The following MAGI2 variants were observed in gnomAD, a reference collection of about 807,000 sequenced individuals.
MAGI2 encodes the protein membrane-associated guanylate kinase, WW and PDZ domain-containing protein 2.
A neutral mutation model predicts 133.3 loss-of-function variants in MAGI2; 35 were observed. The ratio of observed to expected loss-of-function variants is 0.26; its 90% CI spans 0.20 to 0.35. MAGI2 has a LOEUF of 0.35. Ranked by LOEUF, MAGI2 falls within the 10% of genes least tolerant of loss-of-function variation. The probability of loss-of-function intolerance (pLI) is 1.00; values close to 1 mark genes in which losing one functional copy is unlikely to be tolerated. For synonymous variants in MAGI2, 729 were observed against 710.6 expected (o/e 1.03, Z -0.41); for missense variants, 1,636 against 1,863.4 (o/e 0.88, Z 2.25).
At chr7:78,083,387 G>GAGAGAGAGAGAGAGAGAGAGA in intron 20 of MAGI2, among the ~76,000 whole-genome samples, 1 of 33,310 alleles carries the variant, frequency 3.0e-5, no homozygotes. Context: ...AGGGAGGGGG[G>GAGAGAGAGAGAGAGAGAGAGA]GAGAGAGAGA....
intron 1 of MAGI2, among the ~76,000 whole-genome samples, chr7:79,282,899 G>T (rs9655824): frequency 0.61 from 92,454 of 151,828 alleles, 29,658 homozygotes; most frequent in Non-Finnish European, 0.7. Flanking sequence ...TTAATTTTTT[G>T]ATATATAACA....
intron 1 of MAGI2, among the ~76,000 whole-genome samples, chr7:79,296,350 A>G (rs914267531): frequency 1.3e-5 from 2 of 152,356 alleles, no homozygotes; most frequent in East Asian, 3.9e-4. Context: ...TCTGAAAGAA[A>G]TGAAATCAGT....
chr7:78,028,695 A>G (rs1163847744), intron 21 of MAGI2, among the ~76,000 whole-genome samples: 2 of 151,960 alleles, frequency 1.3e-5, no homozygotes, highest in Non-Finnish European at 2.9e-5. Flanking sequence ...TCTCTACTAA[A>G]AATACAAAAA....
At chr7:78,428,817 G>A (rs1431507226) in intron 6 of MAGI2, among the ~76,000 whole-genome samples, 4 of 152,112 alleles carry the variant, frequency 2.6e-5, no homozygotes, top group South Asian at 2.1e-4. Context: ...GCTATAGGTC[G>A]CTGCCTATCA....
intron 12 of MAGI2, 106 bp from the exon 13 acceptor site, chr7:78,185,776 A>T: frequency 1.4e-6 from 1 of 731,658 alleles, no homozygotes; most frequent in South Asian, 2.6e-5. Context: ...CCACAATCTC[A>T]TACTTATGTT....
intron 1 of MAGI2, among the ~76,000 whole-genome samples, chr7:79,185,136 A>G (rs1016792052): frequency 2.0e-5 from 3 of 151,856 alleles, no homozygotes; most frequent in Non-Finnish European, 4.4e-5. Context: ...CAGAGAAGAG[A>G]ACTTTAGAAA....
chr7:78,786,263 A>G (rs1203995939), intron 2 of MAGI2, among the ~76,000 whole-genome samples: 1 of 152,050 alleles, frequency 6.6e-6, no homozygotes, highest in Non-Finnish European at 1.5e-5. Context: ...CACTACTCCC[A>G]CACCCAGCAG....
chr7:79,166,045 T>A (rs1005731077), intron 1 of MAGI2, among the ~76,000 whole-genome samples: 5 of 152,088 alleles, frequency 3.3e-5, no homozygotes, highest in East Asian at 1.9e-4. Flanking sequence ...CTCAAAAAAA[T>A]TTTTGAAATA....
intron 1 of MAGI2, among the ~76,000 whole-genome samples, chr7:79,205,462 C>A (rs969971943): frequency 3.3e-5 from 5 of 151,932 alleles, no homozygotes; most frequent in African/African-American, 9.7e-5. Context: ...TTCTTACCTG[C>A]AGACCTGTCT....
chr7:78,226,513 C>T (rs1356199948), intron 10 of MAGI2, among the ~76,000 whole-genome samples: 2 of 152,104 alleles, frequency 1.3e-5, no homozygotes, highest in African/African-American at 4.8e-5. Flanking sequence ...CCACTGGCAG[C>T]GAATGAGACC....
chr7:79,312,902 A>G (rs574219534), intron 1 of MAGI2, among the ~76,000 whole-genome samples: 1 of 151,992 alleles, frequency 6.6e-6, no homozygotes, highest in African/African-American at 2.4e-5. Flanking sequence ...CTCCCCCTCC[A>G]CCCACCGCCT....
intron 1 of MAGI2, among the ~76,000 whole-genome samples, chr7:79,229,995 A>G (rs1261076954): frequency 8.0e-6 from 1 of 125,656 alleles, no homozygotes; most frequent in Admixed American, 9.5e-5. Flanking sequence ...TCCTGTGTCC[A>G]TGTGATCTCA....
At chr7:78,327,050 C>T (rs530147491) in intron 9 of MAGI2, among the ~76,000 whole-genome samples, 194 of 152,298 alleles carry the variant, frequency 1.3e-3, no homozygotes, top group African/African-American at 4.5e-3. Context: ...TGGATCTGTG[C>T]ATTCTTCCTC....
intron 1 of MAGI2, among the ~76,000 whole-genome samples, chr7:79,271,814 C>T (rs182298583): frequency 2.0e-5 from 3 of 152,060 alleles, no homozygotes; most frequent in Non-Finnish European, 4.4e-5. Context: ...ACAAACTTGA[C>T]TCTTTGTTAA....
intron 1 of MAGI2, among the ~76,000 whole-genome samples, chr7:79,214,692 T>C (rs1332679815): frequency 7.2e-6 from 1 of 138,302 alleles, no homozygotes; most frequent in African/African-American, 2.7e-5. Flanking sequence ...ATAATATATA[T>C]TTATACATAA....
chr7:78,533,800 G>C (rs1022135238), intron 3 of MAGI2, among the ~76,000 whole-genome samples: 1 of 152,158 alleles, frequency 6.6e-6, no homozygotes, highest in Non-Finnish European at 1.5e-5. Context: ...TCAATAAGTA[G>C]TCAACTACTA....
In MAGI2 at chr7:79,007,225, T is replaced by A. The variant is rs768876961; in HGVS notation, c.302-19A>T. 3 of 1,458,538 alleles carry A rather than the reference T, an allele frequency of 2.1e-6. No individual in the cohort carries two copies. In the East Asian group the frequency reaches 6.8e-5, roughly 33 times the overall value. The allele number at this position is 1,458,538 out of a possible 1,614,324, so 90.3% of individuals were successfully genotyped here. A position where few individuals can be genotyped will look rare whatever the true frequency, so the allele number is the denominator to read the frequency against. On this transcript the variant is annotated intron_variant, in intron 1 of 21. Transcript: ENST00000354212. The stretch of plus-strand genomic sequence containing the variant: ...ATTCCTCCTAAAAATAAAAAAAGTT[T>A]CTTGGTAAGGGATGTTGGAAAATAT...
chr7:78,388,137 C>T (rs982070607), intron 6 of MAGI2, among the ~76,000 whole-genome samples: 3 of 152,034 alleles, frequency 2.0e-5, no homozygotes, highest in African/African-American at 7.2e-5. Context: ...GTTGGGTTTT[C>T]TTGCATAAGC....
chr7:79,214,407 CTATATATATATATATA>C (rs1196193501), intron 1 of MAGI2, among the ~76,000 whole-genome samples: 1 of 17,710 alleles, frequency 5.6e-5, no homozygotes, highest in Admixed American at 1.2e-3. Flanking sequence ...CTCTCTCTCT[CTATATATATATATATA>C]TATATATATA....
Sources: allele counts gnomAD v4.1 joint callset (sites outside exome capture counted in the v4.1 genomes callset), GRCh38; gene constraint gnomAD v4.1.1; transcripts MANE v1.5; gene names NCBI Gene and HGNC (gene_info 2026-07-23, HGNC 2026-07-21).